TRIM66: variants seen among roughly 807,000 people sequenced by gnomAD.
The protein encoded by TRIM66 is tripartite motif-containing protein 66.
TRIM66 carries 99 observed loss-of-function variants against 148.2 expected under a neutral mutation model. The observed-to-expected ratio is 0.67, with a 90% CI of 0.57 to 0.79. The LOEUF is 0.79. Among genes scored for constraint, TRIM66 ranks in the 30% least tolerant of loss-of-function variants. The pLI is 0.00. For synonymous variants in TRIM66, 616 were observed against 635.9 expected, an observed-to-expected ratio of 0.97 and a Z score of 0.47; for missense variants, 1,666 against 1,697.9, an observed-to-expected ratio of 0.98 and a Z score of 0.33.
At chr11:8,622,028 C>G (rs984277274) in intron 18 of TRIM66, among the ~76,000 whole-genome samples, 4 of 151,688 alleles carry the variant, frequency 2.6e-5, no homozygotes, top group Non-Finnish European at 5.9e-5. Flanking sequence ...AAAGGCAGGC[C>G]CACCCTTAAT....
At chr11:8,682,537 C>A (rs1225291355) in intron 1 of TRIM66, 64 bp downstream of exon 1, 23 of 561,932 alleles carry the variant, frequency 4.1e-5, no homozygotes, top group Middle Eastern at 4.7e-4. Context: ...GCGTGCAGTA[C>A]AGCACACCTA....
Position 8,672,396 on chromosome 11 carries a change from A to G in TRIM66, c.-111-11T>C, listed in dbSNP as rs1469862011. The G allele has an allele frequency of 2.7e-6, 4 of 1,491,506 alleles. No homozygotes were observed. The highest frequency in any genetic ancestry group is 3.5e-6 in the Non-Finnish European group (4 of 1,127,648). The allele number at this position is 1,491,506 out of a possible 1,614,324, so 92.4% of individuals were successfully genotyped here. A position where few individuals can be genotyped will look rare whatever the true frequency, so the allele number is the denominator to read the frequency against. The stretch of plus-strand genomic sequence containing the variant: ...GTAGACAAGCTTGACCTAAGTTTCA[A>G]TTTTGGAAAAAGGAAGAAAATTGCA... On this transcript the variant is annotated splice_polypyrimidine_tract_variant and intron_variant, in intron 4 of 24. Coordinates refer to ENST00000646038, the MANE Select transcript of TRIM66 (RefSeq NM_001388022.1).
In TRIM66 at chr11:8,656,317, T is replaced by C. The variant is rs370554750; in HGVS notation, c.341-4414A>G. On this transcript the variant is annotated intron_variant, in intron 6 of 24. Coordinates refer to ENST00000646038, the MANE Select transcript of TRIM66 (RefSeq NM_001388022.1). ...AAATCACACTGCACATAAAATATTA[T>C]TTAGATATCATGCTTTTTTCTATTT... Among the ~76,000 whole-genome samples, 18 of 152,370 alleles carry C rather than the reference T, an allele frequency of 1.2e-4. 1 individual carries two copies. The highest frequency in any genetic ancestry group is 4.3e-4 in the African/African-American group (18 of 41,588).
At chr11:8,635,352 A>G (rs2035782507) in intron 15 of TRIM66, among the ~76,000 whole-genome samples, 1 of 152,214 alleles carries the variant, frequency 6.6e-6, no homozygotes, top group Admixed American at 6.5e-5. Flanking sequence ...CCTATGAAAA[A>G]ATTAGAACGA....
At position 8,671,885 on chromosome 11, in the gene TRIM66, G is replaced by C. The variant is rs1290538366; in HGVS notation, c.241C>G (p.His81Asp). ...CHQDLPGMGS[H>D]LLSCQHLLRK... ...AGCAAATGCTGGCAGGATAGGAGATGAGAGCCCATACCTGGCAGGTCCTGA... is the reference window on the plus strand; with the variant it reads ...AGCAAATGCTGGCAGGATAGGAGATCAGAGCCCATACCTGGCAGGTCCTGA... The change falls in exon 6 of 25, where the codon CAT becomes GAT. Residue 81 changes from histidine to aspartate, a missense_variant. Around this residue, in one of 3 missense-constraint regions of TRIM66, gnomAD observed 1,431 missense variants for 1,412.4 expected, o/e 1.01. Transcript: ENST00000646038. The C allele has an allele frequency of 1.2e-5, 18 of 1,536,120 alleles. No homozygotes were observed. The South Asian group carries it at 2.0e-4, about 17-fold the overall frequency.
In TRIM66 at chr11:8,643,001, A is replaced by T; in HGVS notation, c.1222+8T>A. ...TGGGTAGGCCTGGGTGGGTGGGTCC[A>T]AGCTCACCAAGAGAAGCTAGCTGCT... On this transcript the variant is annotated splice_region_variant and intron_variant, in intron 13 of 24. Coordinates refer to ENST00000646038, the MANE Select transcript of TRIM66 (RefSeq NM_001388022.1). 1 of 1,548,162 alleles carries T rather than the reference A, an allele frequency of 6.5e-7. No homozygotes were observed. Among genetic ancestry groups the T allele is most frequent in the Non-Finnish European group, 8.7e-7 (1 of 1,144,986 alleles).
Position 8,643,050 on chromosome 11 carries a change from G to C in TRIM66, c.1181C>G (p.Thr394Ser), listed in dbSNP as rs886884207. The C allele has an allele frequency of 2.6e-6, 4 of 1,551,220 alleles. No homozygotes were observed. In the African/African-American group the frequency reaches 5.5e-5, roughly 21 times the overall value. The change falls in exon 13 of 25, where the codon ACC (threonine) becomes AGC (serine). Residue 394 changes from threonine to serine, a missense_variant. Physicochemically the swap from Thr to Ser is moderately conservative, Grantham distance 58. Around this residue, in one of 3 missense-constraint regions of TRIM66, gnomAD observed 1,431 missense variants for 1,412.4 expected, o/e 1.01. Coordinates refer to ENST00000646038, the MANE Select transcript of TRIM66 (RefSeq NM_001388022.1). ...DPGSPWSIRF[T>S]WEPNFWTKQL... ...CTTGGTCCAGAAGTTAGGCTCCCAG[G>C]TGAATCTGATACTCCAAGGGGAGCC...
intron 15 of TRIM66, among the ~76,000 whole-genome samples, chr11:8,636,389 C>G (rs1308809107): frequency 1.3e-5 from 2 of 152,228 alleles, no homozygotes; most frequent in Non-Finnish European, 2.9e-5. Flanking sequence ...TACAGCAACT[C>G]TCATGCTTGC....
chr11:8,624,375 C>T lies in TRIM66; in HGVS notation c.3003G>A (p.Gln1001=), dbSNP rs2034603561. The T allele has an allele frequency of 2.6e-6, 4 of 1,550,930 alleles. No homozygotes were observed. The highest frequency in any genetic ancestry group is 2.6e-6 in the Non-Finnish European group (3 of 1,146,798). ...GAGTCTCACCTTTTGGGTTCTGGTACTGCTGCAGAGCTGTAGACGTGCTGA... is the reference window on the plus strand; with the variant it reads ...GAGTCTCACCTTTTGGGTTCTGGTATTGCTGCAGAGCTGTAGACGTGCTGA... ...PVVSTSTALQ[Q]YQNPKECENF... The change falls in exon 17 of 25, where the codon CAG becomes CAA. Residue 1001 remains glutamine, a synonymous_variant. Transcript: ENST00000646038.
rs1417011896 is a variant in TRIM66 at position 8,622,850 on chromosome 11, G to A, written c.3046C>T (p.Leu1016=). Residue 1016 remains leucine, a synonymous_variant, in exon 18 of 25, where the codon CTA becomes TTA. Transcript: ENST00000646038. ...KECENFEQGA[L]ELDAKENQSI... Reference sequence around the variant, plus strand: ...TGGTTCTCTTTTGCATCCAGCTCTAGGGCTCCTTGTTCAAAATTCTCACAC... The same window carrying A: ...TGGTTCTCTTTTGCATCCAGCTCTAAGGCTCCTTGTTCAAAATTCTCACAC... 4 of 1,551,840 alleles carry A rather than the reference G, an allele frequency of 2.6e-6. No homozygotes were observed. In the African/African-American group the frequency reaches 5.5e-5, roughly 21 times the overall value.
At chr11:8,666,148 C>T (rs2038576982) in intron 6 of TRIM66, among the ~76,000 whole-genome samples, 1 of 150,822 alleles carries the variant, frequency 6.6e-6, no homozygotes, top group Non-Finnish European at 1.5e-5. Context: ...ACCAGCCTGG[C>T]CAATATGGCG....
intron 3 of TRIM66, among the ~76,000 whole-genome samples, chr11:8,677,316 A>G (rs1159657589): frequency 1.3e-5 from 2 of 152,226 alleles, no homozygotes; most frequent in Non-Finnish European, 2.9e-5. Context: ...ACTTTTGTTC[A>G]CAATTGTACC....
chr11:8,672,805 G>C (rs2039002015), intron 4 of TRIM66, among the ~76,000 whole-genome samples: 1 of 151,688 alleles, frequency 6.6e-6, no homozygotes, highest in African/African-American at 2.4e-5. Context: ...CTAATTTTTT[G>C]TATTTTTAGT....
At chr11:8,660,181 A>C (rs1292074857) in intron 6 of TRIM66, among the ~76,000 whole-genome samples, 3 of 152,130 alleles carry the variant, frequency 2.0e-5, no homozygotes, top group African/African-American at 4.8e-5. Flanking sequence ...AGAATAGCTT[A>C]ATCAAGATCC....
Position 8,642,962 on chromosome 11 carries a change from C to A in TRIM66, c.1222+47G>T. 3.6e-6 allele frequency: 5 copies of A among 1,369,976 alleles called. No homozygotes were observed. The South Asian group carries it at 7.0e-5, about 19-fold the overall frequency. The allele number at this position is 1,369,976 out of a possible 1,614,324, so 84.9% of individuals were successfully genotyped here. A position where few individuals can be genotyped will look rare whatever the true frequency, so the allele number is the denominator to read the frequency against. On this transcript the variant is annotated intron_variant, in intron 13 of 24. Transcript: ENST00000646038. ...TACCCAGTAAGGTAAGCAATTAAGT[C>A]AAAGCCCACAGGGTGGGTAGGCCTG... is the stretch of plus-strand genomic sequence containing the variant.
chr11:8,622,680 T>G, intron 18 of TRIM66, 136 bp downstream of exon 18: 1 of 750,680 alleles, frequency 1.3e-6, no homozygotes, highest in Non-Finnish European at 2.3e-6. Flanking sequence ...CACTTGAAGG[T>G]TGAGGGGTTG....
Position 8,617,618 on chromosome 11 carries a change from C to T in TRIM66, c.*326G>A, listed in dbSNP as rs2033802815. On this transcript the variant is annotated 3_prime_UTR_variant, in exon 25 of 25. Coordinates refer to ENST00000646038, the MANE Select transcript of TRIM66 (RefSeq NM_001388022.1). ...CTAAAAGGTTAGACGGGTCTGCTTT[C>T]CCAGGCAGAAAAAAATTCACCAAGG... The T allele has an allele frequency of 8.9e-6, 3 of 336,812 alleles. No homozygotes were observed. The highest frequency in any genetic ancestry group is 1.6e-5 in the Non-Finnish European group (3 of 185,174). The allele number at this position is 336,812 out of a possible 1,614,324, so 20.9% of individuals were successfully genotyped here.
intron 6 of TRIM66, among the ~76,000 whole-genome samples, chr11:8,653,637 T>A (rs187061530): frequency 2.0e-5 from 3 of 152,204 alleles, no homozygotes; most frequent in Non-Finnish European, 4.4e-5. Flanking sequence ...ACAGCCAAAC[T>A]GTAGAATCAT....
At chr11:8,646,110 G>A (rs1021219166) in intron 11 of TRIM66, among the ~76,000 whole-genome samples, 63 of 152,194 alleles carry the variant, frequency 4.1e-4, no homozygotes, top group African/African-American at 1.3e-3. Flanking sequence ...GGTAATAAAT[G>A]AAAGAGGAAA....
Sources: allele counts gnomAD v4.1 joint callset (sites outside exome capture counted in the v4.1 genomes callset), GRCh38; gene constraint gnomAD v4.1.1; regional missense constraint gnomAD v4.1.1; transcripts MANE v1.5; gene names NCBI Gene and HGNC (gene_info 2026-07-23, HGNC 2026-07-21).